FAIM2: variants seen among roughly 807,000 people sequenced by gnomAD.
The protein encoded by FAIM2 is Fas apoptotic inhibitory molecule 2, also known as protein lifeguard 2.
In FAIM2, 27 loss-of-function variants were observed where a neutral mutation model predicts 47.4. The observed-to-expected ratio is 0.57, with a 90% confidence interval of 0.42 to 0.78. The LOEUF (loss-of-function observed/expected upper bound fraction) is 0.78. Among genes scored for constraint, FAIM2 ranks in the 30% least tolerant of loss-of-function variants. The pLI is 0.00. For synonymous variants in FAIM2, 156 were observed against 159.3 expected (o/e 0.98, Z 0.16); for missense variants, 311 against 389.4 (o/e 0.80, Z 1.69).
intron 11 of FAIM2, among the ~76,000 whole-genome samples, chr12:49,884,531 G>A (rs1946847365): frequency 6.6e-6 from 1 of 152,212 alleles, no homozygotes; most frequent in Non-Finnish European, 1.5e-5. Context: ...AATTCCTGGA[G>A]AGAACTCCTC....
At chr12:49,881,845 C>G (rs1946827883) in intron 11 of FAIM2, among the ~76,000 whole-genome samples, 2 of 152,318 alleles carry the variant, frequency 1.3e-5, no homozygotes, top group African/African-American at 4.8e-5. Flanking sequence ...CTAGGAGGGG[C>G]CTGTTCCTCA....
intron 11 of FAIM2, among the ~76,000 whole-genome samples, chr12:49,879,984 G>GTC (rs1946796523): frequency 1.3e-5 from 2 of 151,318 alleles, no homozygotes; most frequent in Admixed American, 6.6e-5. Context: ...ATATGTGAGT[G>GTC]TATGTGCATG....
At chr12:49,895,979 T>G (rs1348327654) in intron 5 of FAIM2, among the ~76,000 whole-genome samples, 1 of 152,250 alleles carries the variant, frequency 6.6e-6, no homozygotes, top group African/African-American at 2.4e-5. Context: ...ATGTACCACG[T>G]GCATTCTCGC....
intron 11 of FAIM2, among the ~76,000 whole-genome samples, chr12:49,880,699 A>T (rs1228392162): frequency 3.8e-5 from 5 of 133,248 alleles, no homozygotes; most frequent in African/African-American, 1.5e-4. Context: ...TATGCATGTG[A>T]GTCCATGTGT....
At position 49,878,555 on chromosome 12, in the gene FAIM2, TGTGA is replaced by T. The variant is rs1946763901; in HGVS notation, c.802-7906_802-7903del. 3.3e-5 allele frequency among the ~76,000 whole-genome samples: 2 copies of T among 60,812 alleles called. 1 individual carries two copies. The highest frequency in any genetic ancestry group is 5.9e-5 in the Non-Finnish European group (2 of 34,148). 39.9% of individuals were successfully genotyped at this position (60,812 alleles called of 152,430 possible). A position where few individuals can be genotyped will look rare whatever the true frequency, so the allele number is the denominator to read the frequency against. On this transcript the variant is annotated intron_variant, in intron 11 of 11. Transcript: ENST00000320634. ...GTGCATGTGTATATGTGCGTGCATG[TGTGA>T]GTGTATATGTTCATGTGTATATGTA...
chr12:49,878,599 T>C (rs115525235), intron 11 of FAIM2, among the ~76,000 whole-genome samples: 2 of 48,186 alleles, frequency 4.2e-5, no homozygotes, highest in Non-Finnish European at 6.9e-5. Flanking sequence ...TGTATGTGTA[T>C]GTGTGCATGT....
chr12:49,869,518 G>A lies in FAIM2; in HGVS notation c.*986C>T, dbSNP rs531313972. On this transcript the variant is annotated 3_prime_UTR_variant, in exon 12 of 12. Coordinates refer to ENST00000320634, the MANE Select transcript of FAIM2 (RefSeq NM_012306.4). ...GCAGAAGGGACTCCCACACAGCCTC[G>A]GGTTAGGGCTGAGGCAGAGCAGGGA... The A allele has an allele frequency of 3.9e-5, 6 of 152,508 alleles. No individual in the cohort carries two copies. Among genetic ancestry groups the A allele is most frequent in the East Asian group, 1.9e-4 (1 of 5,144 alleles). 9.4% of individuals were successfully genotyped at this position (152,508 alleles called of 1,614,324 possible).
chr12:49,897,811 T>C (rs1396579997), intron 3 of FAIM2, among the ~76,000 whole-genome samples, 176 bp downstream of exon 3: 1 of 152,028 alleles, frequency 6.6e-6, no homozygotes, highest in East Asian at 1.9e-4. Flanking sequence ...TGTTTAGGTG[T>C]AGCACAGGGC....
At chr12:49,895,677 C>T (rs1037589235) in intron 5 of FAIM2, among the ~76,000 whole-genome samples, 15 of 152,228 alleles carry the variant, frequency 9.9e-5, no homozygotes, top group African/African-American at 3.4e-4. Context: ...CTTTGGAACC[C>T]CCAGAGGCCA....
At chr12:49,889,248 C>CTGGGGCTCAGCCTGTAGT in intron 9 of FAIM2, 46 bp from the exon 10 acceptor site, 1 of 1,492,566 alleles carries the variant, frequency 6.7e-7, no homozygotes, top group Non-Finnish European at 9.2e-7. Context: ...CCTGACCTTC[C>CTGGGGCTCAGCCTGTAGT]TGGGGCCCCA....
intron 11 of FAIM2, among the ~76,000 whole-genome samples, chr12:49,879,142 TTGTGTA>T (rs1305701886): frequency 8.1e-6 from 1 of 123,398 alleles, no homozygotes; most frequent in Non-Finnish European, 1.7e-5. Context: ...CTCTGCATGT[TTGTGTA>T]TGTGCATGTG....
chr12:49,878,862 CTG>C lies in FAIM2; in HGVS notation c.802-8211_802-8210del, dbSNP rs1411155398. 3.2e-3 allele frequency among the ~76,000 whole-genome samples: 159 copies of C among 49,712 alleles called. 25 individuals are homozygous for C. Among genetic ancestry groups the C allele is most frequent in the Non-Finnish European group, 4.8e-3 (138 of 28,494 alleles). 32.6% of individuals were successfully genotyped at this position (49,712 alleles called of 152,430 possible). A position where few individuals can be genotyped will look rare whatever the true frequency, so the allele number is the denominator to read the frequency against. ...TGTGTGCATGTGTGTATGTGTGTGTCTGTGCATGTGAGTGTGTATGCATGTGT... is the reference window on the plus strand; with the variant it reads ...TGTGTGCATGTGTGTATGTGTGTGTCTGCATGTGAGTGTGTATGCATGTGT... On this transcript the variant is annotated intron_variant, in intron 11 of 11. Transcript: ENST00000320634.
At chr12:49,881,899 A>C (rs1946828415) in intron 11 of FAIM2, among the ~76,000 whole-genome samples, 1 of 152,230 alleles carries the variant, frequency 6.6e-6, no homozygotes, top group Non-Finnish European at 1.5e-5. Flanking sequence ...CCACCCCCTC[A>C]GGTGCTGCCC....
chr12:49,893,400 A>G (rs1317799998), intron 5 of FAIM2, among the ~76,000 whole-genome samples: 1 of 152,092 alleles, frequency 6.6e-6, no homozygotes, highest in Non-Finnish European at 1.5e-5. Flanking sequence ...CACTGCAGGC[A>G]TACCTCAACC....
Position 49,870,421 on chromosome 12 carries a change from T to G in FAIM2, c.*83A>C, listed in dbSNP as rs1404951258. 1 of 1,315,560 alleles carries G rather than the reference T, an allele frequency of 7.6e-7. No individual in the cohort carries two copies. The highest frequency in any genetic ancestry group is 1.5e-5 in the African/African-American group (1 of 68,486). 81.5% of individuals were successfully genotyped at this position (1,315,560 alleles called of 1,614,324 possible). On this transcript the variant is annotated 3_prime_UTR_variant, in exon 12 of 12. Transcript: ENST00000320634. ...GGCTGGGTTGGCAGCTAGTTTTATA[T>G]CTGGTCTCGCAGGAGCGCAGGGGAG...
At chr12:49,884,865 T>C (rs1946850545) in intron 11 of FAIM2, among the ~76,000 whole-genome samples, 1 of 152,194 alleles carries the variant, frequency 6.6e-6, no homozygotes, top group South Asian at 2.1e-4. Flanking sequence ...TCCCAGCTCC[T>C]TGGGAGACTG....
intron 11 of FAIM2, among the ~76,000 whole-genome samples, chr12:49,878,857 T>C (rs1262035559): frequency 1.6e-5 from 1 of 61,314 alleles, no homozygotes; most frequent in Non-Finnish European, 2.9e-5. Flanking sequence ...TGTGTATGTG[T>C]GTGTCTGTGC....
intron 10 of FAIM2, among the ~76,000 whole-genome samples, chr12:49,887,921 G>A (rs772884970): frequency 7.2e-5 from 11 of 152,154 alleles, no homozygotes; most frequent in Non-Finnish European, 1.5e-4. Flanking sequence ...GGGGGCATCT[G>A]GAGTCTCTGC....
Position 49,897,968 on chromosome 12 carries a change from G to A in FAIM2, c.315+19C>T, listed in dbSNP as rs199889410. On this transcript the variant is annotated intron_variant, in intron 3 of 11. Transcript: ENST00000320634. ...CCCACTGAGGCTCCCAGTCCCAGAGGGCTACAGAGGGGCATTACCTTTCTG... is the reference window on the plus strand; with the variant it reads ...CCCACTGAGGCTCCCAGTCCCAGAGAGCTACAGAGGGGCATTACCTTTCTG... 4 of 1,592,906 alleles carry A rather than the reference G, an allele frequency of 2.5e-6. No homozygotes were observed. The East Asian group carries it at 8.9e-5, about 36-fold the overall frequency.
Sources: gnomAD v4.1 joint callset for allele counts (sites outside exome capture counted in the v4.1 genomes callset) on GRCh38, gnomAD v4.1.1 for gene constraint, MANE v1.5 for transcripts, NCBI Gene and HGNC (gene_info 2026-07-23, HGNC 2026-07-21) for gene names.